The following NRXN3 variants were observed in gnomAD, a reference collection of about 807,000 sequenced individuals.
The protein encoded by NRXN3 is neurexin 3, also known as neurexin III.
Under a neutral mutation model 137.6 loss-of-function variants are expected in NRXN3, and 32 were observed. The ratio of observed to expected loss-of-function variants is 0.23; its 90% CI spans 0.18 to 0.31. NRXN3 has a LOEUF of 0.31. Among genes scored for constraint, NRXN3 ranks in the 10% least tolerant of loss-of-function variants. The pLI is 1.00. For missense variants in NRXN3, 1,574 were observed against 2,062.5 expected (o/e 0.76, Z 4.59); for synonymous variants, 798 against 784.5 (o/e 1.02, Z -0.29).
At chr14:78,978,162 CTGTT>C (rs1284458207) in intron 14 of NRXN3, among the ~76,000 whole-genome samples, 2 of 152,122 alleles carry the variant, frequency 1.3e-5, no homozygotes, top group African/African-American at 2.4e-5. Flanking sequence ...TTTAAAACCT[CTGTT>C]TGAGAAGAGG....
intron 8 of NRXN3, among the ~76,000 whole-genome samples, chr14:78,753,433 G>C (rs185609198): frequency 6.6e-6 from 1 of 152,322 alleles, no homozygotes; most frequent in Non-Finnish European, 1.5e-5. Flanking sequence ...TGTGGCTTAA[G>C]CTGGTGTCAC....
At chr14:79,005,732 ATATTT>A (rs2099551067) in intron 15 of NRXN3, among the ~76,000 whole-genome samples, 3 of 151,908 alleles carry the variant, frequency 2.0e-5, no homozygotes, top group Non-Finnish European at 2.9e-5. Flanking sequence ...CTTGTACTGA[ATATTT>A]GTGTGGTGTT....
At chr14:79,631,326 G>C (rs1452259665) in intron 16 of NRXN3, among the ~76,000 whole-genome samples, 8 of 152,264 alleles carry the variant, frequency 5.3e-5, no homozygotes, top group African/African-American at 1.7e-4. Flanking sequence ...GCTCGCTCTT[G>C]GCGCCTCCTC....
At chr14:78,874,855 T>A (rs1269172780) in intron 10 of NRXN3, among the ~76,000 whole-genome samples, 6 of 152,196 alleles carry the variant, frequency 3.9e-5, no homozygotes, top group Non-Finnish European at 5.9e-5. Flanking sequence ...AGGCGAATAA[T>A]GCAAGAAGAG....
chr14:78,272,802 A>T (rs528727983), intron 2 of NRXN3, among the ~76,000 whole-genome samples: 1 of 152,106 alleles, frequency 6.6e-6, no homozygotes, highest in Non-Finnish European at 1.5e-5. Context: ...TAGTTTCCTT[A>T]TCTGTAAAAT....
At chr14:79,860,164 G>A (rs901198880) in intron 20 of NRXN3, among the ~76,000 whole-genome samples, 1 of 152,106 alleles carries the variant, frequency 6.6e-6, no homozygotes, top group Non-Finnish European at 1.5e-5. Flanking sequence ...GGGTCTATGG[G>A]TAAACAGATA....
At chr14:79,138,733 C>T (rs1004706486) in intron 15 of NRXN3, among the ~76,000 whole-genome samples, 5 of 152,198 alleles carry the variant, frequency 3.3e-5, no homozygotes, top group Non-Finnish European at 5.9e-5. Flanking sequence ...TTGCCTGAAA[C>T]ATCAGGCTAA....
At chr14:78,392,932 A>T (rs578096791) in intron 4 of NRXN3, among the ~76,000 whole-genome samples, 1 of 152,222 alleles carries the variant, frequency 6.6e-6, no homozygotes, top group East Asian at 1.9e-4. Context: ...TGCAAGAATA[A>T]CTCTGATTTC....
In NRXN3 at chr14:79,861,988, G is replaced by T. The variant is rs766234602; in HGVS notation, c.*24G>T. 6.4e-7 allele frequency: 1 copy of T among 1,558,918 alleles called. No homozygotes were observed. Among genetic ancestry groups the T allele is most frequent in the South Asian group, 1.2e-5 (1 of 85,262 alleles). On this transcript the variant is annotated 3_prime_UTR_variant, in exon 21 of 21. Transcript: ENST00000335750. The surrounding 1 kb of genome is among the most constrained non-coding windows in gnomAD (Gnocchi z 5.4). Reference sequence around the variant, plus strand: ...AAACATGCGAACACTGCTCACACGCGAGTTTTCACAGTTATTTCTATCCAC... The same window carrying T: ...AAACATGCGAACACTGCTCACACGCTAGTTTTCACAGTTATTTCTATCCAC...
chr14:79,593,323 A>G (rs2097825835), intron 16 of NRXN3, among the ~76,000 whole-genome samples: 1 of 152,196 alleles, frequency 6.6e-6, no homozygotes, highest in Non-Finnish European at 1.5e-5. Context: ...TTAAAACAAC[A>G]GCATATTAAA....
intron 4 of NRXN3, among the ~76,000 whole-genome samples, chr14:78,451,516 A>C (rs1402624880): frequency 6.6e-6 from 1 of 152,248 alleles, no homozygotes; most frequent in Non-Finnish European, 1.5e-5. Flanking sequence ...GCTTGGAACC[A>C]GGATGGCCTA....
rs558314175 is a variant in NRXN3 at position 79,483,551 on chromosome 14, T to A, written c.3444+16149T>A. Reference sequence around the variant, plus strand: ...ATAAACCCTAACTCTAGCAGGAAGATCAAATTTCTCTTTGAGGCATGCAGT... The same window carrying A: ...ATAAACCCTAACTCTAGCAGGAAGAACAAATTTCTCTTTGAGGCATGCAGT... On this transcript the variant is annotated intron_variant, in intron 16 of 20. Transcript: ENST00000335750. Among the ~76,000 whole-genome samples, 14 of 152,252 alleles carry A rather than the reference T, an allele frequency of 9.2e-5. No individual in the cohort carries two copies. In the East Asian group the frequency reaches 2.1e-3, roughly 23 times the overall value.
chr14:78,834,609 G>T (rs1596335451), intron 10 of NRXN3, among the ~76,000 whole-genome samples: 1 of 152,234 alleles, frequency 6.6e-6, no homozygotes. Flanking sequence ...AGGTGAGGAG[G>T]CTCCTTTTTA....
chr14:78,680,643 T>C (rs1221606956), intron 6 of NRXN3, among the ~76,000 whole-genome samples: 6 of 152,284 alleles, frequency 3.9e-5, no homozygotes, highest in South Asian at 4.1e-4. Flanking sequence ...CTTTAACTTA[T>C]AGCAACTGAA....
At chr14:78,547,216 T>G (rs1600258947) in intron 4 of NRXN3, among the ~76,000 whole-genome samples, 5 of 18,258 alleles carry the variant, frequency 2.7e-4, no homozygotes, top group African/African-American at 6.8e-4. Flanking sequence ...TTTTCATTTA[T>G]TTTTTTTTGA....
At chr14:79,741,829 C>CAG (rs1491070759) in intron 19 of NRXN3, among the ~76,000 whole-genome samples, 3 of 149,110 alleles carry the variant, frequency 2.0e-5, no homozygotes, top group South Asian at 2.1e-4. Flanking sequence ...CACACACACA[C>CAG]AGAGTATGTA....
intron 16 of NRXN3, among the ~76,000 whole-genome samples, chr14:79,587,598 G>C (rs2097772724): frequency 6.6e-6 from 1 of 152,256 alleles, no homozygotes; most frequent in South Asian, 2.1e-4. Flanking sequence ...GCCAGAGAGA[G>C]AGCAAGAAAG....
chr14:78,779,069 A>G lies in NRXN3; in HGVS notation c.2045-24551A>G, dbSNP rs551665071. Reference sequence around the variant, plus strand: ...CATAGACCCAATTTTATATCATTAAACCATCTTCTATTCTAAAGAACAACT... The same window carrying G: ...CATAGACCCAATTTTATATCATTAAGCCATCTTCTATTCTAAAGAACAACT... On this transcript the variant is annotated intron_variant, in intron 8 of 20. Coordinates refer to ENST00000335750, the MANE Select transcript of NRXN3 (RefSeq NM_001330195.2). 1.3e-4 allele frequency among the ~76,000 whole-genome samples: 20 copies of G among 152,058 alleles called. No individual in the cohort carries two copies. The South Asian group carries it at 2.5e-3, about 19-fold the overall frequency.
At chr14:78,477,965 C>T (rs572076399) in intron 4 of NRXN3, among the ~76,000 whole-genome samples, 59 of 152,208 alleles carry the variant, frequency 3.9e-4, no homozygotes, top group Non-Finnish European at 5.7e-4. Flanking sequence ...CACACATACA[C>T]GCACACATAG....
Sources: allele counts gnomAD v4.1 joint callset (sites outside exome capture counted in the v4.1 genomes callset), GRCh38; gene constraint gnomAD v4.1.1; non-coding constraint Gnocchi (gnomAD v3.1); transcripts MANE v1.5; gene names NCBI Gene and HGNC (gene_info 2026-07-23, HGNC 2026-07-21).